Variants in BCAS3 observed in about 807,000 individuals in gnomAD.
BCAS3 encodes BCAS4/BCAS3 fusion.
A neutral mutation model predicts 116.1 loss-of-function variants in BCAS3; 53 were observed. The ratio of observed to expected loss-of-function variants is 0.46; its 90% CI spans 0.37 to 0.57. The LOEUF is 0.57. Ranked by LOEUF, BCAS3 falls within the 20% of genes least tolerant of loss-of-function variation. The pLI is 0.00. For synonymous variants in BCAS3, 391 were observed against 408.2 expected, an observed-to-expected ratio of 0.96 and a Z score of 0.51; for missense variants, 917 against 1,165.4, an observed-to-expected ratio of 0.79 and a Z score of 3.10.
At position 61,313,320 on chromosome 17, in the gene BCAS3, C is replaced by T. The variant is rs888625006; in HGVS notation, c.2426-55007C>T. Among the ~76,000 whole-genome samples, 1 of 152,222 alleles carries T rather than the reference C, an allele frequency of 6.6e-6. No individual in the cohort carries two copies. The highest frequency in any genetic ancestry group is 1.5e-5 in the Non-Finnish European group (1 of 68,032). On this transcript the variant is annotated intron_variant, in intron 22 of 23. Transcript: ENST00000407086. The surrounding 1 kb of genome is among the most constrained non-coding windows in gnomAD (Gnocchi z 4.3). ...TTCTACTCCAAAGACTGTCTTCCCT[C>T]CACCATGCCCTACTACCTTCCTATA...
chr17:61,338,921 A>G (rs893375660), intron 22 of BCAS3, among the ~76,000 whole-genome samples: 13 of 149,778 alleles, frequency 8.7e-5, no homozygotes, highest in African/African-American at 3.2e-4. Flanking sequence ...AAAAAAGCAG[A>G]AAGGAAAAAC....
chr17:61,107,307 G>A (rs527815869), intron 22 of BCAS3, among the ~76,000 whole-genome samples: 2 of 152,000 alleles, frequency 1.3e-5, no homozygotes, highest in African/African-American at 4.8e-5. Context: ...GGCTGGTCTT[G>A]AACTCCTGAC....
rs969645107 is a variant in BCAS3, at chr17:60,683,846, C to T, written c.84-136C>T. 2.7e-5 allele frequency: 21 copies of T among 770,166 alleles called. No individual in the cohort carries two copies. In the African/African-American group the frequency reaches 3.6e-4, roughly 13 times the overall value. 47.7% of individuals were successfully genotyped at this position (770,166 alleles called of 1,614,324 possible). A position where few individuals can be genotyped will look rare whatever the true frequency, so the allele number is the denominator to read the frequency against. On this transcript the variant is annotated intron_variant, in intron 2 of 23. Transcript: ENST00000407086. Reference sequence around the variant, plus strand: ...AACCTTGTCTCAAAACAAAACAAAACAAAACAAACAAAAAAACCCCAAAAA... The same window carrying T: ...AACCTTGTCTCAAAACAAAACAAAATAAAACAAACAAAAAAACCCCAAAAA...
chr17:61,274,608 G>A (rs965410267), intron 22 of BCAS3, among the ~76,000 whole-genome samples: 2 of 151,868 alleles, frequency 1.3e-5, no homozygotes, highest in African/African-American at 4.8e-5. Context: ...TTTAATAGCT[G>A]TTTGAACTTC....
chr17:61,027,570 C>A (rs996288370), intron 16 of BCAS3: 3 of 251,674 alleles, frequency 1.2e-5, no homozygotes, highest in South Asian at 8.9e-5. Context: ...GAAAAGAATT[C>A]GAATATATTT....
In BCAS3 at chr17:61,065,875, A is replaced by G. The variant is rs980985110; in HGVS notation, c.2030-9045A>G. On this transcript the variant is annotated intron_variant, in intron 19 of 23. Transcript: ENST00000407086. This position sits in a 1 kb window ranked among gnomAD's most constrained non-coding sequence, Gnocchi z 4.8. ...ATAAATCAGTGTGAGTTTTAAATTT[A>G]TAATTAAACTTACAAATGCATTTAA... 6.6e-5 allele frequency among the ~76,000 whole-genome samples: 10 copies of G among 152,218 alleles called. No individual in the cohort carries two copies. Among genetic ancestry groups the G allele is most frequent in the Non-Finnish European group, 1.3e-4 (9 of 68,042 alleles).
intron 13 of BCAS3, among the ~76,000 whole-genome samples, chr17:60,939,621 C>G (rs1220544102): frequency 6.6e-6 from 1 of 152,042 alleles, no homozygotes; most frequent in African/African-American, 2.4e-5. Flanking sequence ...GTATTCATCC[C>G]GCATAATAGA....
At chr17:60,712,210 C>CA (rs1008357750) in intron 5 of BCAS3, among the ~76,000 whole-genome samples, 39 of 148,982 alleles carry the variant, frequency 2.6e-4, no homozygotes, top group African/African-American at 9.4e-4. Context: ...CTTGTCTCTA[C>CA]AAAAAATTTT....
rs970051149 is a variant in BCAS3, at chr17:61,363,586, T to TTGTACAG, written c.2426-4738_2426-4732dup. On this transcript the variant is annotated intron_variant, in intron 22 of 23. Transcript: ENST00000407086. This position sits in a 1 kb window ranked among gnomAD's most constrained non-coding sequence, Gnocchi z 4.9. Reference sequence around the variant, plus strand: ...TTTTTTTTTTAACTCACTCTGAACCTTGTACAGTGCTCGACTCATATCATA... The same window carrying TTGTACAG: ...TTTTTTTTTTAACTCACTCTGAACCTTGTACAGTGTACAGTGCTCGACTCATATCATA... Among the ~76,000 whole-genome samples the TTGTACAG allele has an allele frequency of 6.6e-6, 1 of 151,838 alleles. No individual in the cohort carries two copies. Among genetic ancestry groups the TTGTACAG allele is most frequent in the Non-Finnish European group, 1.5e-5 (1 of 67,972 alleles).
intron 6 of BCAS3, among the ~76,000 whole-genome samples, chr17:60,778,001 GTCT>G (rs2045468546): frequency 6.6e-6 from 1 of 152,114 alleles, no homozygotes; most frequent in African/African-American, 2.4e-5. Context: ...AAATCCGTAT[GTCT>G]TCTTTGGTGA....
intron 7 of BCAS3, among the ~76,000 whole-genome samples, chr17:60,815,569 A>C (rs1310944421): frequency 6.6e-6 from 1 of 152,240 alleles, no homozygotes; most frequent in East Asian, 1.9e-4. Flanking sequence ...AACAGCAGGC[A>C]ACTGATGATG....
chr17:61,135,316 A>G (rs369752412), intron 22 of BCAS3, among the ~76,000 whole-genome samples: 1 of 152,268 alleles, frequency 6.6e-6, no homozygotes, highest in Non-Finnish European at 1.5e-5. Context: ...ATCAGTGTCA[A>G]GTGCTCACTA....
chr17:60,744,475 T>A (rs772762273), intron 5 of BCAS3, among the ~76,000 whole-genome samples: 6 of 152,184 alleles, frequency 3.9e-5, no homozygotes, highest in African/African-American at 7.2e-5. Flanking sequence ...AACGTATGGA[T>A]CATATCTGTA....
In BCAS3 at chr17:60,994,295, A is replaced by G. The variant is rs190349393; in HGVS notation, c.1486+4060A>G. 8.5e-5 allele frequency among the ~76,000 whole-genome samples: 13 copies of G among 152,144 alleles called. No homozygotes were observed. Among genetic ancestry groups the G allele is most frequent in the Admixed American group, 7.8e-4 (12 of 15,292 alleles). On this transcript the variant is annotated intron_variant, in intron 15 of 23. Transcript: ENST00000407086. This position sits in a 1 kb window ranked among gnomAD's most constrained non-coding sequence, Gnocchi z 4.4. ...GTATTAATTGATTATATACATTACT[A>G]TAACACTTTATTTTTAATATATTGA...
chr17:61,030,697 GTGTT>G (rs1235201991), intron 16 of BCAS3, among the ~76,000 whole-genome samples: 2 of 151,822 alleles, frequency 1.3e-5, no homozygotes, highest in East Asian at 3.9e-4. Flanking sequence ...GTTTGCTTGC[GTGTT>G]TGTTTTTCTT....
At position 61,037,448 on chromosome 17, in the gene BCAS3, C is replaced by A. The variant is rs1396551978; in HGVS notation, c.1763-441C>A. Among the ~76,000 whole-genome samples the A allele has an allele frequency of 1.3e-5, 2 of 152,160 alleles. No individual in the cohort carries two copies. The highest frequency in any genetic ancestry group is 4.8e-5 in the African/African-American group (2 of 41,422). On this transcript the variant is annotated intron_variant, in intron 17 of 23. Transcript: ENST00000407086. This position sits in a 1 kb window ranked among gnomAD's most constrained non-coding sequence, Gnocchi z 4.7. ...ACTAGCATGTGCTTATACGAGGCAA[C>A]CTTTAGGCAAGGAACAAGCACCATA...
chr17:60,732,344 A>T (rs1176835469), intron 5 of BCAS3, among the ~76,000 whole-genome samples: 1 of 152,220 alleles, frequency 6.6e-6, no homozygotes, highest in African/African-American at 2.4e-5. Flanking sequence ...CTATTTTTAG[A>T]TCGCTGGTAG....
chr17:61,327,523 T>A lies in BCAS3; in HGVS notation c.2426-40804T>A, dbSNP rs932714248. 2.0e-5 allele frequency among the ~76,000 whole-genome samples: 3 copies of A among 151,886 alleles called. No homozygotes were observed. The highest frequency in any genetic ancestry group is 7.3e-5 in the African/African-American group (3 of 41,352). On this transcript the variant is annotated intron_variant, in intron 22 of 23. Coordinates refer to ENST00000407086, the MANE Select transcript of BCAS3 (RefSeq NM_017679.5). The surrounding 1 kb of genome is among the most constrained non-coding windows in gnomAD (Gnocchi z 5.9). ...AAATGAAGCAAAATTTTTTTTTTTTTAGACAGAGTCTCACTCTGTCACCCA... is the reference window on the plus strand; with the variant it reads ...AAATGAAGCAAAATTTTTTTTTTTTAAGACAGAGTCTCACTCTGTCACCCA...
chr17:60,982,963 C>T (rs2062903803), intron 14 of BCAS3, among the ~76,000 whole-genome samples: 1 of 152,118 alleles, frequency 6.6e-6, no homozygotes, highest in Non-Finnish European at 1.5e-5. Flanking sequence ...AGCACATATA[C>T]TTTATCTCTT....
Sources: allele counts gnomAD v4.1 joint callset (sites outside exome capture counted in the v4.1 genomes callset), GRCh38; gene constraint gnomAD v4.1.1; non-coding constraint Gnocchi (gnomAD v3.1); transcripts MANE v1.5; gene names NCBI Gene and HGNC (gene_info 2026-07-23, HGNC 2026-07-21).